Variants in AKR1C3 observed in about 807,000 individuals in gnomAD.
AKR1C3 encodes 3-alpha hydroxysteroid dehydrogenase, type II.
In AKR1C3, 48 loss-of-function variants were observed where a neutral mutation model predicts 43.6. The ratio of observed to expected loss-of-function variants is 1.10; its 90% CI spans 0.87 to 1.40. AKR1C3 has a LOEUF of 1.40. Among genes scored for constraint, AKR1C3 ranks in the 40% most tolerant of loss-of-function variants. The probability of loss-of-function intolerance (pLI) is 0.00; values close to 1 mark genes in which losing one functional copy is unlikely to be tolerated. For synonymous variants in AKR1C3, 162 were observed against 139.6 expected (o/e 1.16, Z -1.13); for missense variants, 482 against 391.2 (o/e 1.23, Z -1.96).
At chr10:5,049,005 A>G in intron 1 of AKR1C3, 3 of 827,116 alleles carry the variant, frequency 3.6e-6, no homozygotes, top group Non-Finnish European at 6.1e-6. Context: ...CATGACTCCA[A>G]CCTGAGTTTC....
chr10:5,096,881 C>T (rs374518606), intron 2 of AKR1C3, among the ~76,000 whole-genome samples: 9 of 152,122 alleles, frequency 5.9e-5, no homozygotes, highest in Middle Eastern at 3.4e-3. Context: ...TTTTTCTTAT[C>T]GCCTGGGTGA....
At chr10:5,071,741 C>T (rs1554781338) in intron 1 of AKR1C3, among the ~76,000 whole-genome samples, 1 of 152,364 alleles carries the variant, frequency 6.6e-6, no homozygotes, top group East Asian at 1.9e-4. Context: ...GTCTCCCAGT[C>T]TCACAGAGGG....
chr10:5,096,851 GAAC>G (rs1261458801), intron 2 of AKR1C3, among the ~76,000 whole-genome samples: 1 of 152,142 alleles, frequency 6.6e-6, no homozygotes, highest in Admixed American at 6.6e-5. Flanking sequence ...GAATCACAGA[GAAC>G]AATAATCATG....
chr10:5,089,826 C>T (rs1236901341), upstream of AKR1C3, among the ~76,000 whole-genome samples: 1 of 152,028 alleles, frequency 6.6e-6, no homozygotes, highest in Non-Finnish European at 1.5e-5. Flanking sequence ...TGCAAGAATT[C>T]TTGTACTGGA....
chr10:5,103,546 T>G (rs782456549), intron 7 of AKR1C3, among the ~76,000 whole-genome samples: 1 of 152,194 alleles, frequency 6.6e-6, no homozygotes, highest in Non-Finnish European at 1.5e-5. Context: ...CTCTCTCATG[T>G]GTTTGCAGGA....
chr10:5,076,805 A>G (rs1838724598), intron 1 of AKR1C3, among the ~76,000 whole-genome samples: 1 of 152,176 alleles, frequency 6.6e-6, no homozygotes, highest in African/African-American at 2.4e-5. Flanking sequence ...CCCTCCTGAC[A>G]TGCTACGCCA....
chr10:5,085,657 C>A (rs1233773833), intron 1 of AKR1C3, among the ~76,000 whole-genome samples: 2 of 151,846 alleles, frequency 1.3e-5, no homozygotes, highest in Non-Finnish European at 2.9e-5. Flanking sequence ...ACGGTACCAG[C>A]TCTTCTTTGT....
intron 1 of AKR1C3, among the ~76,000 whole-genome samples, chr10:5,050,001 CTG>C: frequency 6.6e-6 from 1 of 151,000 alleles, no homozygotes; most frequent in East Asian, 2.0e-4. Context: ...AGTGGACACA[CTG>C]TGGATACTGC....
At chr10:5,070,631 C>G (rs1170013210) in intron 1 of AKR1C3, among the ~76,000 whole-genome samples, 1 of 152,180 alleles carries the variant, frequency 6.6e-6, no homozygotes, top group Non-Finnish European at 1.5e-5. Context: ...TCTCCAGACC[C>G]TATTTTTCTG....
intron 2 of AKR1C3, 84 bp downstream of exon 2, chr10:5,096,661 T>G: frequency 6.8e-7 from 1 of 1,466,454 alleles, no homozygotes; most frequent in Admixed American, 2.3e-5. Context: ...GATGAGTAGT[T>G]GTGGGTGAAT....
At chr10:5,080,422 A>T (rs1291762436) in intron 1 of AKR1C3, among the ~76,000 whole-genome samples, 2 of 152,150 alleles carry the variant, frequency 1.3e-5, no homozygotes, top group Admixed American at 1.3e-4. Context: ...CCAGGAGTTC[A>T]TGACCAGCCT....
rs546569189 is a variant in AKR1C3 at position 5,051,628 on chromosome 10, AGT to A, written c.84+2734_84+2735del. Among the ~76,000 whole-genome samples the A allele has an allele frequency of 2.0e-3, 298 of 152,290 alleles. 2 individuals carry two copies. Among genetic ancestry groups the A allele is most frequent in the African/African-American group, 6.3e-3 (263 of 41,562 alleles). ...ATCACGCATTATTCTTTCTTTCTTC[AGT>A]CTTGCTGGACACCCTGATTATCCAT... On this transcript the variant is annotated intron_variant, in intron 1 of 8. Transcript: ENST00000439082.
intron 1 of AKR1C3, among the ~76,000 whole-genome samples, chr10:5,051,591 A>T (rs1287846780): frequency 3.3e-5 from 5 of 152,226 alleles, no homozygotes; most frequent in African/African-American, 1.2e-4. Context: ...TAATGGAATC[A>T]TTGCAGTTCA....
At chr10:5,054,176 C>G (rs1838213613) in intron 1 of AKR1C3, among the ~76,000 whole-genome samples, 1 of 152,220 alleles carries the variant, frequency 6.6e-6, no homozygotes, top group East Asian at 1.9e-4. Context: ...GTGAGGAGGT[C>G]TAGGCCTCAG....
upstream of AKR1C3, chr10:5,093,330 G>A (rs150787092): frequency 6.6e-6 from 1 of 151,984 alleles, no homozygotes; most frequent in Non-Finnish European, 1.5e-5. Flanking sequence ...AGCTTTCAAT[G>A]ATTTTATATT....
rs587775702 is a variant in AKR1C3 at position 5,104,515 on chromosome 10, ACTTTTTTTCTAACT to A, written c.847-1075_847-1062del. ...AAGGTCTTGCTACCAGAATGGTACA[ACTTTTTTTCTAACT>A]CTTTATTTTATTTGATAATATCTTG... On this transcript the variant is annotated intron_variant, in intron 7 of 8. Transcript: ENST00000380554. Among the ~76,000 whole-genome samples the A allele has an allele frequency of 3.7e-3, 544 of 148,034 alleles. 5 individuals carry two copies. Among genetic ancestry groups the A allele is most frequent in the Non-Finnish European group, 3.7e-3 (244 of 65,798 alleles).
At position 5,102,858 on chromosome 10, in the gene AKR1C3, G is replaced by T. The variant is rs188378131; in HGVS notation, c.846+208G>T. Among the ~76,000 whole-genome samples the T allele has an allele frequency of 1.5e-4, 23 of 152,262 alleles. 1 individual carries two copies. The highest frequency in any genetic ancestry group is 3.1e-4 in the Non-Finnish European group (21 of 68,018). ...GAATTAAGATGGGACCAAAAATGGA[G>T]ATTTTTTTATTTCAGCATTAAGTTG... On this transcript the variant is annotated intron_variant, in intron 7 of 8. Transcript: ENST00000380554.
At position 5,098,866 on chromosome 10, in the gene AKR1C3, G is replaced by C. The variant is rs28943579; in HGVS notation, c.434G>C (p.Cys145Ser). ...GKVIFDIVDL[C>S]TTWEAMEKCK... ...GTAATATTTGACATAGTGGATCTCT[G>C]TACCACCTGGGAGGTGAGTGCTTGG... Residue 145 changes from cysteine (C) to serine (S), a missense_variant, in exon 4 of 9, where the codon TGT (cysteine) becomes TCT (serine). Cys to Ser is a moderately radical substitution (Grantham distance 112). Coordinates refer to ENST00000380554, the MANE Select transcript of AKR1C3 (RefSeq NM_003739.6). 1 of 1,613,338 alleles carries C rather than the reference G, an allele frequency of 6.2e-7. No individual in the cohort carries two copies. Among genetic ancestry groups the C allele is most frequent in the Non-Finnish European group, 8.5e-7 (1 of 1,179,656 alleles).
At position 5,051,683 on chromosome 10, in the gene AKR1C3, T is replaced by C. The variant is rs191950883; in HGVS notation, c.84+2788T>C. Among the ~76,000 whole-genome samples the C allele has an allele frequency of 3.0e-3, 451 of 152,332 alleles. 2 individuals are homozygous for C. Among genetic ancestry groups the C allele is most frequent in the Non-Finnish European group, 4.7e-3 (322 of 68,036 alleles). On this transcript the variant is annotated intron_variant, in intron 1 of 8. Transcript: ENST00000439082. ...TCAGACAAATATTAACATGGAGGAC[T>C]TTGCGTGAGTTCTACCAGAGGCCCT...
Sources: allele counts gnomAD v4.1 joint callset (sites outside exome capture counted in the v4.1 genomes callset), GRCh38; gene constraint gnomAD v4.1.1; transcripts MANE v1.5; gene names NCBI Gene and HGNC (gene_info 2026-07-23, HGNC 2026-07-21).